AGBL4: variants seen among roughly 807,000 people sequenced by gnomAD.
AGBL4 encodes AGBL carboxypeptidase 4.
A neutral mutation model predicts 66.4 loss-of-function variants in AGBL4; 58 were observed. The observed-to-expected ratio is 0.87, with a 90% CI of 0.71 to 1.09. The LOEUF (loss-of-function observed/expected upper bound fraction) is 1.09, where lower values mean the gene tolerates loss of function less well. Among genes scored for constraint, AGBL4 ranks in the 50% least tolerant of loss-of-function variants. AGBL4 has a pLI of 0.00. For synonymous variants in AGBL4, 234 were observed against 222.9 expected, an observed-to-expected ratio of 1.05 and a Z score of -0.44; for missense variants, 579 against 631.0, an observed-to-expected ratio of 0.92 and a Z score of 0.88.
intron 5 of AGBL4, among the ~76,000 whole-genome samples, chr1:48,944,912 G>A (rs1656333640): frequency 6.6e-6 from 1 of 152,190 alleles, no homozygotes; most frequent in South Asian, 2.1e-4. Context: ...CTCCACCATA[G>A]GGGTTTAAGG....
chr1:49,213,532 C>T (rs930657065), intron 4 of AGBL4, among the ~76,000 whole-genome samples: 17 of 152,088 alleles, frequency 1.1e-4, no homozygotes, highest in Admixed American at 9.8e-4. Flanking sequence ...CCATGTGAGA[C>T]GCTTGCTCCT....
intron 1 of AGBL4, among the ~76,000 whole-genome samples, chr1:49,860,531 C>G (rs895353459): frequency 6.6e-6 from 1 of 152,030 alleles, no homozygotes; most frequent in Non-Finnish European, 1.5e-5. Context: ...AACTGCATCT[C>G]AACGAAAAAT....
chr1:49,159,310 C>T (rs924037399), intron 4 of AGBL4, among the ~76,000 whole-genome samples: 14 of 152,042 alleles, frequency 9.2e-5, no homozygotes, highest in South Asian at 2.1e-4. Context: ...TTTATTTCTC[C>T]TTCATTTATG....
intron 3 of AGBL4, among the ~76,000 whole-genome samples, chr1:49,283,158 A>T (rs2148408568): frequency 6.6e-6 from 1 of 152,310 alleles, no homozygotes; most frequent in South Asian, 2.1e-4. Context: ...TTCTCCCAGC[A>T]CGCAGCTGGA....
At chr1:49,672,808 G>C (rs542905076) in intron 3 of AGBL4, among the ~76,000 whole-genome samples, 62 of 151,346 alleles carry the variant, frequency 4.1e-4, no homozygotes, top group Middle Eastern at 3.4e-3. Flanking sequence ...TGTAATCCCA[G>C]CTACTAGGGG....
intron 4 of AGBL4, among the ~76,000 whole-genome samples, chr1:49,216,207 A>G (rs1649075487): frequency 6.6e-6 from 1 of 152,152 alleles, no homozygotes; most frequent in Non-Finnish European, 1.5e-5. Context: ...CAGTTAGACC[A>G]CTGGTTGCCA....
chr1:48,950,526 C>A (rs1338563273), intron 5 of AGBL4, among the ~76,000 whole-genome samples: 1 of 152,104 alleles, frequency 6.6e-6, no homozygotes, highest in Non-Finnish European at 1.5e-5. Context: ...TATATTTGAT[C>A]CCTAGCTGTA....
In AGBL4 at chr1:49,152,037, T is replaced by C. The variant is rs188080875; in HGVS notation, c.377+93733A>G. ...AATGTAACATTTATTGACCACTTGC[T>C]ATACAGCATATAGTATGTCAAGTAT... On this transcript the variant is annotated intron_variant, in intron 4 of 13. Transcript: ENST00000371839. 3.4e-3 allele frequency among the ~76,000 whole-genome samples: 520 copies of C among 152,258 alleles called. 4 individuals are homozygous for C. The highest frequency in any genetic ancestry group is 0.012 in the African/African-American group (504 of 41,556).
At chr1:49,491,106 C>A (rs1647177139) in intron 3 of AGBL4, among the ~76,000 whole-genome samples, 1 of 151,762 alleles carries the variant, frequency 6.6e-6, no homozygotes. Flanking sequence ...AATGAATGAC[C>A]TAATGTACAG....
chr1:49,222,282 TAA>T (rs761596903), intron 4 of AGBL4, among the ~76,000 whole-genome samples: 1 of 137,196 alleles, frequency 7.3e-6, no homozygotes, highest in Admixed American at 7.3e-5. Context: ...GAATACAACT[TAA>T]AAAAAAAAAA....
At chr1:48,527,898 C>T (rs1318770736), downstream of AGBL4, among the ~76,000 whole-genome samples, 1 of 152,020 alleles carries the variant, frequency 6.6e-6, no homozygotes, top group Non-Finnish European at 1.5e-5. Flanking sequence ...GAAAGAAGTA[C>T]CATAAAATGG....
At chr1:49,559,797 T>C (rs544218771) in intron 3 of AGBL4, among the ~76,000 whole-genome samples, 3 of 152,248 alleles carry the variant, frequency 2.0e-5, no homozygotes, top group African/African-American at 7.2e-5. Flanking sequence ...GTTTTGGGAC[T>C]TGGACTGAGC....
intron 3 of AGBL4, among the ~76,000 whole-genome samples, chr1:49,364,515 G>A (rs537847880): frequency 6.8e-6 from 1 of 147,456 alleles, no homozygotes; most frequent in East Asian, 2.1e-4. Context: ...GTCTCTCATT[G>A]TTGCCCAGGC....
At chr1:49,928,450 C>T (rs1006781061) in intron 1 of AGBL4, among the ~76,000 whole-genome samples, 13 of 151,964 alleles carry the variant, frequency 8.6e-5, no homozygotes, top group African/African-American at 2.9e-4. Context: ...AGGGTTTCCC[C>T]ATGTTGGCCA....
intron 6 of AGBL4, among the ~76,000 whole-genome samples, chr1:48,837,711 C>CACTATATA (rs1471719980): frequency 1.7e-4 from 14 of 82,296 alleles, no homozygotes; most frequent in Non-Finnish European, 2.6e-4. Context: ...CACACACACA[C>CACTATATA]TATATATATA....
intron 4 of AGBL4, among the ~76,000 whole-genome samples, chr1:49,221,881 A>G (rs1160329056): frequency 6.6e-6 from 1 of 152,144 alleles, no homozygotes; most frequent in African/African-American, 2.4e-5. Context: ...GTTTAACCCA[A>G]TGACCCAGAG....
At chr1:49,959,268 C>T (rs917520033) in intron 1 of AGBL4, among the ~76,000 whole-genome samples, 2 of 151,932 alleles carry the variant, frequency 1.3e-5, no homozygotes, top group African/African-American at 2.4e-5. Flanking sequence ...CAGAAATGCC[C>T]GCAGGCATTA....
intron 4 of AGBL4, among the ~76,000 whole-genome samples, chr1:49,221,932 C>T (rs545069166): frequency 6.6e-6 from 1 of 152,274 alleles, no homozygotes; most frequent in Admixed American, 6.5e-5. Flanking sequence ...TCTACTTCTG[C>T]ATAGCATTCT....
At chr1:49,009,548 T>A (rs1662199738) in intron 5 of AGBL4, among the ~76,000 whole-genome samples, 1 of 152,098 alleles carries the variant, frequency 6.6e-6, no homozygotes, top group Admixed American at 6.5e-5. Context: ...ATCATTCTGA[T>A]ACCAAAGCCT....
Sources: allele counts gnomAD v4.1 joint callset (sites outside exome capture counted in the v4.1 genomes callset), GRCh38; gene constraint gnomAD v4.1.1; transcripts MANE v1.5; gene names NCBI Gene and HGNC (gene_info 2026-07-23, HGNC 2026-07-21).